TENM4: variants seen among roughly 807,000 people sequenced by gnomAD.
TENM4 encodes the protein teneurin-4.
Under a neutral mutation model 243.3 loss-of-function variants are expected in TENM4, and 82 were observed. The ratio of observed to expected loss-of-function variants is 0.34; its 90% CI spans 0.28 to 0.40. TENM4 has a LOEUF of 0.40. Among genes scored for constraint, TENM4 ranks in the 10% least tolerant of loss-of-function variants. The probability of loss-of-function intolerance (pLI) is 1.00; values close to 1 mark genes in which losing one functional copy is unlikely to be tolerated. For missense variants in TENM4, 3,138 were observed against 3,673.3 expected (o/e 0.85, Z 3.77); for synonymous variants, 1,412 against 1,456.3 (o/e 0.97, Z 0.69).
intron 4 of TENM4, among the ~76,000 whole-genome samples, chr11:79,129,534 G>C (rs1161677625): frequency 6.6e-6 from 1 of 152,156 alleles, no homozygotes; most frequent in Non-Finnish European, 1.5e-5. Flanking sequence ...TGTTTGTTGG[G>C]GGGTAGGGAG....
At chr11:79,124,645 ATGTGTGTG>A (rs35642884) in intron 4 of TENM4, among the ~76,000 whole-genome samples, 13 of 133,782 alleles carry the variant, frequency 9.7e-5, no homozygotes, top group African/African-American at 2.8e-4. Flanking sequence ...ATATATATAT[ATGTGTGTG>A]TGTGTGTGTG....
At chr11:79,187,537 T>C (rs1032901927) in intron 3 of TENM4, among the ~76,000 whole-genome samples, 2 of 152,190 alleles carry the variant, frequency 1.3e-5, no homozygotes, top group Non-Finnish European at 2.9e-5. Flanking sequence ...CTCCCATGAC[T>C]GCCTCCCTAG....
At chr11:78,748,464 T>C (rs796632019) in intron 19 of TENM4, among the ~76,000 whole-genome samples, 14 of 152,258 alleles carry the variant, frequency 9.2e-5, no homozygotes, top group African/African-American at 3.4e-4. Context: ...TAGTAGAATA[T>C]TGGAGAGAAA....
At chr11:79,350,172 G>T (rs1392349724) in intron 1 of TENM4, among the ~76,000 whole-genome samples, 1 of 152,154 alleles carries the variant, frequency 6.6e-6, no homozygotes, top group African/African-American at 2.4e-5. Context: ...TCAGAATGGG[G>T]CTTCAGAACG....
chr11:78,790,342 T>C (rs1857027523), intron 15 of TENM4, among the ~76,000 whole-genome samples: 1 of 152,248 alleles, frequency 6.6e-6, no homozygotes, highest in African/African-American at 2.4e-5. Flanking sequence ...AATTATGCAA[T>C]TCATTGAGCC....
chr11:79,254,497 G>A (rs1209725701), intron 2 of TENM4, among the ~76,000 whole-genome samples: 1 of 152,158 alleles, frequency 6.6e-6, no homozygotes, highest in African/African-American at 2.4e-5. Context: ...GCCACCCTTG[G>A]AGAGAGGCAG....
intron 21 of TENM4, among the ~76,000 whole-genome samples, chr11:78,731,044 AAG>A (rs1855654911): frequency 6.6e-6 from 1 of 152,294 alleles, no homozygotes; most frequent in East Asian, 1.9e-4. Context: ...GGGAAAATCC[AAG>A]AGTTTGTTTA....
chr11:79,069,326 C>T (rs1860346341), intron 5 of TENM4, among the ~76,000 whole-genome samples: 1 of 152,154 alleles, frequency 6.6e-6, no homozygotes, highest in Non-Finnish European at 1.5e-5. Context: ...TATTATCAGG[C>T]TTACCACTTA....
At chr11:79,007,460 C>T (rs924316393) in intron 6 of TENM4, among the ~76,000 whole-genome samples, 2 of 151,936 alleles carry the variant, frequency 1.3e-5, no homozygotes, top group African/African-American at 4.8e-5. Context: ...TCTTGGAGCC[C>T]GTTTAGTGTG....
At chr11:79,075,687 A>G (rs183559007) in intron 4 of TENM4, among the ~76,000 whole-genome samples, 1 of 152,330 alleles carries the variant, frequency 6.6e-6, no homozygotes, top group African/African-American at 2.4e-5. Context: ...GCTCCAATCA[A>G]GACGAAGAGC....
intron 6 of TENM4, among the ~76,000 whole-genome samples, chr11:78,988,740 T>C (rs1857975742): frequency 6.6e-6 from 1 of 152,228 alleles, no homozygotes; most frequent in Non-Finnish European, 1.5e-5. Flanking sequence ...AGTGGCATAA[T>C]CACAGCTCAC....
intron 12 of TENM4, among the ~76,000 whole-genome samples, chr11:78,831,806 C>G (rs547180537): frequency 5.7e-4 from 87 of 152,254 alleles, no homozygotes; most frequent in Non-Finnish European, 1.1e-3. Context: ...AAATATTTCT[C>G]CTCTCTGAAC....
At chr11:78,812,388 C>G in intron 13 of TENM4, 72 bp from the exon 14 acceptor site, 1 of 1,503,592 alleles carries the variant, frequency 6.7e-7, no homozygotes, top group Non-Finnish European at 9.0e-7. Flanking sequence ...TCTCTTTCTC[C>G]TCCTGGCCTG....
Position 79,438,183 on chromosome 11 carries a change from A to G in TENM4, c.-321+2326T>C, listed in dbSNP as rs532290680. On this transcript the variant is annotated intron_variant, in intron 1 of 33. Coordinates refer to ENST00000278550, the MANE Select transcript of TENM4 (RefSeq NM_001098816.3). This position sits in a 1 kb window ranked among gnomAD's most constrained non-coding sequence, Gnocchi z 4.1. ...GCTGGGGGGAAGGGAGTTCAGGGCC[A>G]ATGTGTCCCAGACTTCAGCGTTCCC... 2.0e-5 allele frequency among the ~76,000 whole-genome samples: 3 copies of G among 152,112 alleles called. No homozygotes were observed. Among genetic ancestry groups the G allele is most frequent in the Admixed American group, 6.5e-5 (1 of 15,288 alleles).
chr11:79,118,288 C>G (rs538919768), intron 4 of TENM4, among the ~76,000 whole-genome samples: 18 of 152,252 alleles, frequency 1.2e-4, no homozygotes, highest in African/African-American at 4.3e-4. Context: ...GAAAGAAACA[C>G]TGTCAGGCAC....
At chr11:79,019,014 C>G (rs954419979) in intron 6 of TENM4, among the ~76,000 whole-genome samples, 3 of 152,182 alleles carry the variant, frequency 2.0e-5, no homozygotes, top group African/African-American at 7.2e-5. Context: ...CTGGGGGACT[C>G]CCTATTCCAT....
At chr11:78,889,692 G>A (rs961314577) in intron 9 of TENM4, 93 bp downstream of exon 9, 35 of 1,341,028 alleles carry the variant, frequency 2.6e-5, no homozygotes, top group Non-Finnish European at 2.7e-5. Context: ...TGCCTGCCAT[G>A]CTAGTAAGGA....
intron 1 of TENM4, among the ~76,000 whole-genome samples, chr11:79,320,053 A>G (rs1265550643): frequency 6.6e-6 from 1 of 152,208 alleles, no homozygotes; most frequent in Non-Finnish European, 1.5e-5. Context: ...AGGAGAACAT[A>G]GCTCATCGTA....
At chr11:78,970,988 T>C (rs1411599200) in intron 6 of TENM4, among the ~76,000 whole-genome samples, 1 of 151,992 alleles carries the variant, frequency 6.6e-6, no homozygotes, top group Non-Finnish European at 1.5e-5. Context: ...TTAGCATATA[T>C]AGTTCTTTTT....
Sources: gnomAD v4.1 joint callset for allele counts (sites outside exome capture counted in the v4.1 genomes callset) on GRCh38, gnomAD v4.1.1 for gene constraint, Gnocchi (gnomAD v3.1) non-coding constraint, MANE v1.5 for transcripts, NCBI Gene and HGNC (gene_info 2026-07-23, HGNC 2026-07-21) for gene names.